FAM149A: variants seen among roughly 807,000 people sequenced by gnomAD.
FAM149A encodes protein FAM149A.
FAM149A carries 71 observed loss-of-function variants against 78.2 expected under a neutral mutation model. That is an observed-to-expected ratio of 0.91 (90% CI 0.75 to 1.11). The LOEUF is 1.11. FAM149A is among the 50% of genes least tolerant of loss of function. FAM149A has a pLI of 0.00. For missense variants in FAM149A, 1,036 were observed against 971.0 expected, an observed-to-expected ratio of 1.07 and a Z score of -0.89; for synonymous variants, 446 against 410.5, an observed-to-expected ratio of 1.09 and a Z score of -1.04.
intron 3 of FAM149A, among the ~76,000 whole-genome samples, chr4:186,149,982 G>A (rs1051818334): frequency 2.0e-5 from 3 of 152,178 alleles, no homozygotes; most frequent in Admixed American, 2.0e-4. Flanking sequence ...TGTGCTCCTT[G>A]TGACTTCTTG....
In FAM149A at chr4:186,105,459, G is replaced by A. The variant is rs2099308367; in HGVS notation, c.383G>A (p.Arg128Gln). The change falls in exon 1 of 14, where the codon CGG becomes CAG. Residue 128 changes from arginine (R) to glutamine (Q), a missense_variant. By Grantham distance (43) the Arg-to-Gln change is conservative. Coordinates refer to ENST00000389354, the MANE Select transcript of FAM149A (RefSeq NM_001367768.3). ...CCTGCTCGCCTGGTGGTCCCAGCGCGGCCGCCCTCGGGCCCCGGCGGGGTC... is the reference window on the plus strand; with the variant it reads ...CCTGCTCGCCTGGTGGTCCCAGCGCAGCCGCCCTCGGGCCCCGGCGGGGTC... 5 of 1,214,578 alleles carry A rather than the reference G, an allele frequency of 4.1e-6. No homozygotes were observed. The highest frequency in any genetic ancestry group is 5.2e-6 in the Non-Finnish European group (5 of 958,064). The allele number at this position is 1,214,578 out of a possible 1,614,324, so 75.2% of individuals were successfully genotyped here.
intron 1 of FAM149A, among the ~76,000 whole-genome samples, chr4:186,141,931 C>T (rs11947955): frequency 0.13 from 19,229 of 152,118 alleles, 2,443 homozygotes; most frequent in African/African-American, 0.33. Flanking sequence ...AAGAAACCCA[C>T]AAGGTATTGG....
At chr4:186,125,907 G>A (rs1012322294) in intron 1 of FAM149A, 1 of 985,206 alleles carries the variant, frequency 1.0e-6, no homozygotes, top group Admixed American at 6.1e-5. Context: ...CCCTCTCTGT[G>A]TCCTGCAGAC....
chr4:186,121,079 A>G (rs1359630942), intron 1 of FAM149A, among the ~76,000 whole-genome samples: 2 of 152,014 alleles, frequency 1.3e-5, no homozygotes, highest in Non-Finnish European at 2.9e-5. Flanking sequence ...AAAATAAAGC[A>G]TTCATTTTTT....
At chr4:186,158,466 G>A (rs1329183673) in intron 8 of FAM149A, 15 of 1,122,808 alleles carry the variant, frequency 1.3e-5, no homozygotes, top group Non-Finnish European at 1.7e-5. Context: ...ACCCATGGGA[G>A]TCCACGCCTG....
At position 186,151,854 on chromosome 4, in the gene FAM149A, G is replaced by A. The variant is rs373439362; in HGVS notation, c.790-49G>A. 222 of 1,600,542 alleles carry A rather than the reference G, an allele frequency of 1.4e-4. No individual in the cohort carries two copies. The African/African-American group carries it at 2.2e-3, about 16-fold the overall frequency. On this transcript the variant is annotated intron_variant, in intron 3 of 13. Transcript: ENST00000389354. ...ATAAGTAGCGTTGATCCAGAAGCCC[G>A]CAGTTCTGTAACTTGCAGTGTTGTA...
chr4:186,150,933 G>C (rs1344141422), intron 3 of FAM149A: 1 of 466,220 alleles, frequency 2.1e-6, no homozygotes, highest in Non-Finnish European at 2.8e-6. Context: ...TGTTGGCCAG[G>C]CTGGTTTCGA....
chr4:186,165,803 A>T (rs1453191924), intron 11 of FAM149A, among the ~76,000 whole-genome samples: 1 of 152,148 alleles, frequency 6.6e-6, no homozygotes, highest in Non-Finnish European at 1.5e-5. Context: ...CTGCCACAGA[A>T]ACTCTCTTCT....
intron 1 of FAM149A, among the ~76,000 whole-genome samples, chr4:186,122,452 G>C (rs953286634): frequency 2.0e-5 from 3 of 152,194 alleles, no homozygotes; most frequent in African/African-American, 7.2e-5. Context: ...TATGATAACA[G>C]TTTGAGGATT....
At chr4:186,156,236 T>G in intron 7 of FAM149A, 46 bp downstream of exon 7, 1 of 1,541,776 alleles carries the variant, frequency 6.5e-7, no homozygotes, top group Non-Finnish European at 8.9e-7. Flanking sequence ...AAAGTCCCTG[T>G]TCTTCGGCCC....
chr4:186,124,981 T>C (rs1297049064), intron 1 of FAM149A, among the ~76,000 whole-genome samples: 2 of 152,190 alleles, frequency 1.3e-5, no homozygotes, highest in East Asian at 3.9e-4. Context: ...CGGTATCTCG[T>C]TGTGGTTTTG....
rs867961812 is a variant in FAM149A, at chr4:186,136,968, C to G, written c.567-12205C>G. Among the ~76,000 whole-genome samples the G allele has an allele frequency of 5.1e-5, 4 of 78,622 alleles. No homozygotes were observed. In the East Asian group the frequency reaches 1.7e-3, roughly 34 times the overall value. The allele number at this position is 78,622 out of a possible 152,430, so 51.6% of individuals were successfully genotyped here. The stretch of plus-strand genomic sequence containing the variant: ...TCTCTCTCTCTCTCTCTCTCTTTCT[C>G]TCTCTCTTTCTCTCTCTCTCTCTCT... On this transcript the variant is annotated intron_variant, in intron 1 of 13. Transcript: ENST00000389354.
intron 8 of FAM149A, among the ~76,000 whole-genome samples, chr4:186,159,151 T>C (rs1734309143): frequency 6.6e-6 from 1 of 152,114 alleles, no homozygotes; most frequent in Non-Finnish European, 1.5e-5. Flanking sequence ...ATTTATTGGT[T>C]GTAGTTGAGG....
In FAM149A at chr4:186,168,746, C is replaced by T. The variant is rs112459480; in HGVS notation, c.2218+1484C>T. On this transcript the variant is annotated intron_variant, in intron 13 of 13. Coordinates refer to ENST00000389354, the MANE Select transcript of FAM149A (RefSeq NM_001367768.3). ...ATCATGGATGGGTGTATCAAGTGCT[C>T]ACTCTGTGCCAAGGTCTATGCCAAA... is the stretch of plus-strand genomic sequence containing the variant. 7.1e-3 allele frequency among the ~76,000 whole-genome samples: 1,086 copies of T among 152,296 alleles called. 15 individuals are homozygous for T. Among genetic ancestry groups the T allele is most frequent in the African/African-American group, 0.025 (1,056 of 41,562 alleles).
In FAM149A at chr4:186,144,328, A is replaced by G. The variant is rs1233748726; in HGVS notation, c.567-4845A>G. On this transcript the variant is annotated intron_variant, in intron 1 of 13. Coordinates refer to ENST00000389354, the MANE Select transcript of FAM149A (RefSeq NM_001367768.3). The surrounding 1 kb of genome is among the most constrained non-coding windows in gnomAD (Gnocchi z 4.2). The stretch of plus-strand genomic sequence containing the variant: ...TGCAGGAGATGCACCGGCTTGTGTG[A>G]GCCGGTAGGGCAGGACGGGCGTGGA... 1 of 152,256 alleles carries G rather than the reference A, an allele frequency of 6.6e-6. No homozygotes were observed. Among genetic ancestry groups the G allele is most frequent in the Non-Finnish European group, 1.5e-5 (1 of 68,102 alleles). The allele number at this position is 152,256 out of a possible 1,614,324, so 9.4% of individuals were successfully genotyped here.
At position 186,120,336 on chromosome 4, in the gene FAM149A, C is replaced by A. The variant is rs116235681; in HGVS notation, c.566+14694C>A. Among the ~76,000 whole-genome samples the A allele has an allele frequency of 2.1e-3, 324 of 152,180 alleles. 1 individual carries two copies. The highest frequency in any genetic ancestry group is 7.4e-3 in the African/African-American group (309 of 41,526). On this transcript the variant is annotated intron_variant, in intron 1 of 13. Coordinates refer to ENST00000389354, the MANE Select transcript of FAM149A (RefSeq NM_001367768.3). The stretch of plus-strand genomic sequence containing the variant: ...TATGTGATAAATGTAAGATTGAATT[C>A]CTGGAAATCAATCTATATCTTCCAC...
rs1345650364 is a variant in FAM149A, at chr4:186,169,761, C to T, written c.2219-2153C>T. On this transcript the variant is annotated intron_variant, in intron 13 of 13. Transcript: ENST00000389354. ...CCACTGGGGGCGTCCAGAGGAGTTA[C>T]ATTAACACGTGCAATCACATATGGC... 9.1e-6 allele frequency: 9 copies of T among 985,318 alleles called. No homozygotes were observed. In the African/African-American group the frequency reaches 1.6e-4, roughly 17 times the overall value. The allele number at this position is 985,318 out of a possible 1,614,324, so 61.0% of individuals were successfully genotyped here. A position where few individuals can be genotyped will look rare whatever the true frequency, so the allele number is the denominator to read the frequency against.
intron 1 of FAM149A, 114 bp from the exon 2 acceptor site, chr4:186,149,059 G>A: frequency 1.4e-6 from 1 of 722,652 alleles, no homozygotes; most frequent in Non-Finnish European, 1.9e-6. Flanking sequence ...GGTTTGGAGG[G>A]ATGTGGCAGA....
chr4:186,122,763 G>T (rs1375653788), intron 1 of FAM149A: 2 of 478,328 alleles, frequency 4.2e-6, no homozygotes, highest in African/African-American at 4.2e-5. Flanking sequence ...CATGGGAATT[G>T]TTCATAAATA....
Sources: gnomAD v4.1 joint callset for allele counts (sites outside exome capture counted in the v4.1 genomes callset) on GRCh38, gnomAD v4.1.1 for gene constraint, Gnocchi (gnomAD v3.1) non-coding constraint, MANE v1.5 for transcripts, NCBI Gene and HGNC (gene_info 2026-07-23, HGNC 2026-07-21) for gene names.